Variants in KCNQ1 observed in about 807,000 individuals in gnomAD.
KCNQ1 encodes the protein potassium voltage-gated channel subfamily KQT member 1.
Under a neutral mutation model 72.4 loss-of-function variants are expected in KCNQ1, and 49 were observed. The ratio of observed to expected loss-of-function variants is 0.68; its 90% CI spans 0.54 to 0.86. KCNQ1 has a LOEUF of 0.86. Ranked by LOEUF, KCNQ1 falls within the 40% of genes least tolerant of loss-of-function variation. The pLI is 0.00. For synonymous variants in KCNQ1, 450 were observed against 412.6 expected (o/e 1.09, Z -1.10); for missense variants, 790 against 945.1 (o/e 0.84, Z 2.15).
intron 11 of KCNQ1, chr11:2,699,829 C>T (rs950721756): frequency 2.3e-5 from 9 of 395,844 alleles, no homozygotes; most frequent in Admixed American, 4.4e-5. Context: ...ACTGACGCAC[C>T]GAGGAGGACC....
At chr11:2,747,563 C>T (rs375308216) in intron 11 of KCNQ1, among the ~76,000 whole-genome samples, 17 of 152,312 alleles carry the variant, frequency 1.1e-4, no homozygotes, top group Admixed American at 4.6e-4. Context: ...CACTGGAATA[C>T]GGCCATGAGA....
Position 2,477,620 on chromosome 11 carries a change from T to C in KCNQ1, c.386+32136T>C, listed in dbSNP as rs1485720102. Among the ~76,000 whole-genome samples, 1 of 152,052 alleles carries C rather than the reference T, an allele frequency of 6.6e-6. No individual in the cohort carries two copies. The highest frequency in any genetic ancestry group is 1.5e-5 in the Non-Finnish European group (1 of 68,018). On this transcript the variant is annotated intron_variant, in intron 1 of 15. Transcript: ENST00000155840. The surrounding 1 kb of genome is among the most constrained non-coding windows in gnomAD (Gnocchi z 5.0). The stretch of plus-strand genomic sequence containing the variant: ...GTTAAAAATGACCACACATGTAGGC[T>C]AGGCACAGTAGTTCATGCCTGTAAT...
chr11:2,446,250 C>T lies in KCNQ1; in HGVS notation c.386+766C>T, dbSNP rs934459442. 1.3e-5 allele frequency among the ~76,000 whole-genome samples: 2 copies of T among 152,188 alleles called. No homozygotes were observed. Among genetic ancestry groups the T allele is most frequent in the African/African-American group, 4.8e-5 (2 of 41,446 alleles). On this transcript the variant is annotated intron_variant, in intron 1 of 15. Transcript: ENST00000155840. The surrounding 1 kb of genome is among the most constrained non-coding windows in gnomAD (Gnocchi z 8.8). Reference sequence around the variant, plus strand: ...TCTCAGGGACAGGCCTGGGAAGTCACCTCCGGGAAGGTCCAGGCTGCTCTC... The same window carrying T: ...TCTCAGGGACAGGCCTGGGAAGTCATCTCCGGGAAGGTCCAGGCTGCTCTC...
At chr11:2,689,636 C>T in intron 11 of KCNQ1, 1 of 398,712 alleles carries the variant, frequency 2.5e-6, no homozygotes, top group Non-Finnish European at 4.4e-6. Context: ...AACAAGCCAG[C>T]AGGTGCAGAG....
chr11:2,761,337 C>G (rs1846392030), intron 11 of KCNQ1, among the ~76,000 whole-genome samples: 1 of 152,132 alleles, frequency 6.6e-6, no homozygotes, highest in Non-Finnish European at 1.5e-5. Flanking sequence ...CCTCAACGTC[C>G]AGCCGCTTGT....
At chr11:2,689,620 G>A in intron 11 of KCNQ1, 1 of 398,628 alleles carries the variant, frequency 2.5e-6, no homozygotes, top group Non-Finnish European at 4.4e-6. Context: ...GGTATTTTAG[G>A]AACAAAACAA....
intron 15 of KCNQ1, among the ~76,000 whole-genome samples, chr11:2,792,425 C>G (rs1415137685): frequency 1.3e-5 from 2 of 152,192 alleles, no homozygotes; most frequent in African/African-American, 4.8e-5. Flanking sequence ...GGCCTCTGCT[C>G]TCAGGAAGGT....
rs77224817 is a variant in KCNQ1 at position 2,690,008 on chromosome 11, G to A, written c.1514+27927G>A. On this transcript the variant is annotated intron_variant, in intron 11 of 15. Coordinates refer to ENST00000155840, the MANE Select transcript of KCNQ1 (RefSeq NM_000218.3). The surrounding 1 kb of genome is among the most constrained non-coding windows in gnomAD (Gnocchi z 5.1). ...CTTTGCCCAAGCAGAGAACTGTTGA[G>A]GAAGGTGAGCCTTCCGAGGGCCAGC... 2 of 398,776 alleles carry A rather than the reference G, an allele frequency of 5.0e-6. No individual in the cohort carries two copies. The highest frequency in any genetic ancestry group is 8.8e-6 in the Non-Finnish European group (2 of 226,274). The allele number at this position is 398,776 out of a possible 1,614,324, so 24.7% of individuals were successfully genotyped here.
rs1237450684 is a variant in KCNQ1 at position 2,611,811 on chromosome 11, G to A, written c.1393+22957G>A. The A allele has an allele frequency of 2.5e-6, 1 of 398,174 alleles. No individual in the cohort carries two copies. Among genetic ancestry groups the A allele is most frequent in the African/African-American group, 2.1e-5 (1 of 48,534 alleles). 24.7% of individuals were successfully genotyped at this position (398,174 alleles called of 1,614,324 possible). ...CTCTCTTCCTCCTTTACTGCCTTCT[G>A]CAGGTTGAATAGATATGTTCTAGAG... On this transcript the variant is annotated intron_variant, in intron 10 of 15. Transcript: ENST00000155840. The surrounding 1 kb of genome is among the most constrained non-coding windows in gnomAD (Gnocchi z 5.3).
At chr11:2,686,975 G>C in intron 11 of KCNQ1, 1 of 398,662 alleles carries the variant, frequency 2.5e-6, no homozygotes, top group African/African-American at 2.1e-5. Flanking sequence ...GCAGAGGCAA[G>C]GACAACACTG....
rs773502386 is a variant in KCNQ1 at position 2,661,918 on chromosome 11, T to TG, written c.1394-40dup. ...GCCTGGCTCCACAGCACTGGCAGGT[T>TG]GGGTGGGAGGCCTAACGTGCTGTCC... On this transcript the variant is annotated intron_variant, in intron 10 of 15. Coordinates refer to ENST00000155840, the MANE Select transcript of KCNQ1 (RefSeq NM_000218.3). This position sits in a 1 kb window ranked among gnomAD's most constrained non-coding sequence, Gnocchi z 5.9. 3.1e-6 allele frequency: 5 copies of TG among 1,613,698 alleles called. No homozygotes were observed. The highest frequency in any genetic ancestry group is 2.5e-6 in the Non-Finnish European group (3 of 1,179,950).
rs1031225273 is a variant in KCNQ1, at chr11:2,725,039, T to C, written c.1515-43805T>C. Among the ~76,000 whole-genome samples the C allele has an allele frequency of 1.3e-5, 2 of 152,052 alleles. No individual in the cohort carries two copies. The highest frequency in any genetic ancestry group is 4.8e-5 in the African/African-American group (2 of 41,380). On this transcript the variant is annotated intron_variant, in intron 11 of 15. Coordinates refer to ENST00000155840, the MANE Select transcript of KCNQ1 (RefSeq NM_000218.3). This position sits in a 1 kb window ranked among gnomAD's most constrained non-coding sequence, Gnocchi z 7.2. ...GTTTAAGAAAAGCCTGTGGGCCCAA[T>C]AGAGAAGCACAGGGTCTGAGAAGCA...
At chr11:2,666,766 C>A in intron 11 of KCNQ1, 1 of 398,760 alleles carries the variant, frequency 2.5e-6, no homozygotes, top group South Asian at 1.3e-4. Context: ...CTGTGAGTGT[C>A]TAAGCTCCTC....
rs1476469916 is a variant in KCNQ1, at chr11:2,620,259, C to G, written c.1393+31405C>G. The G allele has an allele frequency of 8.8e-6, 2 of 226,620 alleles. No homozygotes were observed. Among genetic ancestry groups the G allele is most frequent in the African/African-American group, 4.6e-5 (2 of 43,100 alleles). 14.0% of individuals were successfully genotyped at this position (226,620 alleles called of 1,614,324 possible). ...TAGACGGAGTTTCGCTCTTGTTGCCCAGGCTGGAGGGCAATGGCATGATCT... is the reference window on the plus strand; with the variant it reads ...TAGACGGAGTTTCGCTCTTGTTGCCGAGGCTGGAGGGCAATGGCATGATCT... On this transcript the variant is annotated intron_variant, in intron 10 of 15. Transcript: ENST00000155840. The surrounding 1 kb of genome is among the most constrained non-coding windows in gnomAD (Gnocchi z 4.5).
chr11:2,758,925 G>C (rs193268808), intron 11 of KCNQ1, among the ~76,000 whole-genome samples: 18 of 152,344 alleles, frequency 1.2e-4, no homozygotes, highest in Non-Finnish European at 4.4e-5. Context: ...AGGAGACGCA[G>C]AGGGGGTCTT....
At chr11:2,634,218 G>A (rs530384912) in intron 10 of KCNQ1, 139 of 391,630 alleles carry the variant, frequency 3.5e-4, no homozygotes, top group East Asian at 1.7e-3. Flanking sequence ...TGTGCACAAC[G>A]TGCAGGTTTG....
rs555419556 is a variant in KCNQ1, at chr11:2,602,723, A to G, written c.1393+13869A>G. 6.9e-4 allele frequency among the ~76,000 whole-genome samples: 105 copies of G among 152,334 alleles called. No homozygotes were observed. The highest frequency in any genetic ancestry group is 2.0e-3 in the African/African-American group (83 of 41,586). On this transcript the variant is annotated intron_variant, in intron 10 of 15. Coordinates refer to ENST00000155840, the MANE Select transcript of KCNQ1 (RefSeq NM_000218.3). This position sits in a 1 kb window ranked among gnomAD's most constrained non-coding sequence, Gnocchi z 4.8. ...TGCCTGTTTGCCATTTTTGTATTCT[A>G]TGCAGTGAAATTCTTGTTGATATCA...
rs766833285 is a variant in KCNQ1 at position 2,562,783 on chromosome 11, C to T, written c.478-7845C>T. 5.3e-5 allele frequency among the ~76,000 whole-genome samples: 8 copies of T among 152,162 alleles called. No homozygotes were observed. Among genetic ancestry groups the T allele is most frequent in the South Asian group, 4.1e-4 (2 of 4,828 alleles). The stretch of plus-strand genomic sequence containing the variant: ...AAGTCTATGGGGGCGCCAGGGAGGC[C>T]GGCTGTGTTTCTGCATCCTTGACCC... On this transcript the variant is annotated intron_variant, in intron 2 of 15. Transcript: ENST00000155840. This position sits in a 1 kb window ranked among gnomAD's most constrained non-coding sequence, Gnocchi z 7.5.
At chr11:2,742,740 G>A (rs1338935855) in intron 11 of KCNQ1, among the ~76,000 whole-genome samples, 1 of 152,244 alleles carries the variant, frequency 6.6e-6, no homozygotes, top group Non-Finnish European at 1.5e-5. Flanking sequence ...CTGAATTCGG[G>A]GCGGTCCTGA....
Sources: allele counts gnomAD v4.1 joint callset (sites outside exome capture counted in the v4.1 genomes callset), GRCh38; gene constraint gnomAD v4.1.1; non-coding constraint Gnocchi (gnomAD v3.1); transcripts MANE v1.5; gene names NCBI Gene and HGNC (gene_info 2026-07-23, HGNC 2026-07-21).